PARD3B: variants seen among roughly 807,000 people sequenced by gnomAD.
The protein encoded by PARD3B is par-3 family cell polarity regulator beta, also known as partitioning defective 3 homolog B.
A neutral mutation model predicts 130.2 loss-of-function variants in PARD3B; 103 were observed. The ratio of observed to expected loss-of-function variants is 0.79; its 90% CI spans 0.67 to 0.93. PARD3B has a LOEUF of 0.93. Among genes scored for constraint, PARD3B ranks in the 40% least tolerant of loss-of-function variants. The pLI, the probability that PARD3B is intolerant of heterozygous loss-of-function variation, is 0.00. For synonymous variants in PARD3B, 583 were observed against 553.2 expected (o/e 1.05, Z -0.76); for missense variants, 1,609 against 1,499.2 (o/e 1.07, Z -1.21).
chr2:204,648,556 A>T (rs1457658915), intron 1 of PARD3B, among the ~76,000 whole-genome samples: 1 of 134,310 alleles, frequency 7.4e-6, no homozygotes, highest in East Asian at 2.0e-4. Context: ...AAGCTTTAAA[A>T]TATATAAATA....
chr2:205,038,464 A>G (rs1261883380), intron 3 of PARD3B, among the ~76,000 whole-genome samples: 3 of 152,136 alleles, frequency 2.0e-5, no homozygotes, highest in Non-Finnish European at 4.4e-5. Flanking sequence ...GCATGAGCAA[A>G]TTTATATTGT....
intron 22 of PARD3B, among the ~76,000 whole-genome samples, chr2:205,607,731 C>T (rs1349194537): frequency 6.6e-6 from 1 of 152,058 alleles, no homozygotes; most frequent in Non-Finnish European, 1.5e-5. Context: ...CCTGCACTTA[C>T]ATTTCTGCTT....
Position 205,584,055 on chromosome 2 carries a change from G to A in PARD3B, c.3260+30652G>A, listed in dbSNP as rs143820598. 2.0e-4 allele frequency among the ~76,000 whole-genome samples: 31 copies of A among 152,240 alleles called. No homozygotes were observed. The highest frequency in any genetic ancestry group is 6.7e-4 in the African/African-American group (28 of 41,548). On this transcript the variant is annotated intron_variant, in intron 22 of 22. Transcript: ENST00000406610. This position sits in a 1 kb window ranked among gnomAD's most constrained non-coding sequence, Gnocchi z 5.5. ...ATTTTATCTTGGAAACTTGATTTTC[G>A]AAGTATTTAGGAAAATGCTTCAAAG...
At position 205,300,555 on chromosome 2, in the gene PARD3B, A is replaced by G. The variant is rs1437372791; in HGVS notation, c.2211A>G (p.Pro737=). The change falls in exon 17 of 23, where the codon CCA becomes CCG. Residue 737 remains proline, a synonymous_variant. Coordinates refer to ENST00000406610, the MANE Select transcript of PARD3B (RefSeq NM_001302769.2). The surrounding 1 kb of genome is among the most constrained non-coding windows in gnomAD (Gnocchi z 4.1). The part of the protein sequence containing the change: ...KSESPSKDFG[P]TLGLKKSSSL... ...AATCTCCAAGCAAAGATTTTGGTCC[A>G]ACTCTGGGTTTGAAAAAGTCCAGCT... is the stretch of plus-strand genomic sequence containing the variant. 6.2e-7 allele frequency: 1 copy of G among 1,613,742 alleles called. No individual in the cohort carries two copies. The highest frequency in any genetic ancestry group is 8.5e-7 in the Non-Finnish European group (1 of 1,179,942).
chr2:204,808,545 C>T (rs1387157711), intron 2 of PARD3B, among the ~76,000 whole-genome samples: 1 of 152,100 alleles, frequency 6.6e-6, no homozygotes, highest in Non-Finnish European at 1.5e-5. Flanking sequence ...CATGTGAGCT[C>T]ATCATTTAGC....
intron 18 of PARD3B, among the ~76,000 whole-genome samples, chr2:205,361,118 T>C (rs2044372756): frequency 6.6e-6 from 1 of 152,102 alleles, no homozygotes; most frequent in African/African-American, 2.4e-5. Flanking sequence ...AAAAAAAAAC[T>C]TGGAGGAGAC....
At chr2:205,524,061 A>G (rs979620449) in intron 21 of PARD3B, among the ~76,000 whole-genome samples, 2 of 152,076 alleles carry the variant, frequency 1.3e-5, no homozygotes, top group African/African-American at 2.4e-5. Context: ...TGAAGGAGAA[A>G]TCTGAGGCTT....
intron 4 of PARD3B, among the ~76,000 whole-genome samples, chr2:205,061,537 A>G (rs757192317): frequency 3.3e-5 from 5 of 152,170 alleles, no homozygotes; most frequent in Non-Finnish European, 5.9e-5. Flanking sequence ...CATGGTAAGC[A>G]CTATGTGTGT....
At chr2:205,279,876 T>C (rs2041122086) in intron 16 of PARD3B, among the ~76,000 whole-genome samples, 1 of 152,210 alleles carries the variant, frequency 6.6e-6, no homozygotes, top group Admixed American at 6.5e-5. Flanking sequence ...GCTGGGTTTC[T>C]GAAATCCAAG....
At chr2:204,845,533 A>G (rs200199970) in intron 2 of PARD3B, among the ~76,000 whole-genome samples, 1 of 152,122 alleles carries the variant, frequency 6.6e-6, no homozygotes, top group East Asian at 1.9e-4. Context: ...CCTTTTAAAA[A>G]TCTTGGTTGT....
intron 3 of PARD3B, among the ~76,000 whole-genome samples, chr2:205,001,830 C>T (rs760775352): frequency 4.6e-5 from 7 of 152,176 alleles, no homozygotes; most frequent in Admixed American, 1.3e-4. Context: ...CTTATGACAA[C>T]AGTAGAGAGC....
chr2:204,631,622 A>G (rs2034684216), intron 1 of PARD3B, among the ~76,000 whole-genome samples: 1 of 152,120 alleles, frequency 6.6e-6, no homozygotes, highest in Non-Finnish European at 1.5e-5. Flanking sequence ...ATTTAAGGTT[A>G]GTATTGTTAT....
At chr2:205,569,474 A>G (rs2053483792) in intron 22 of PARD3B, among the ~76,000 whole-genome samples, 1 of 152,172 alleles carries the variant, frequency 6.6e-6, no homozygotes, top group Non-Finnish European at 1.5e-5. Flanking sequence ...GCACTTCTAC[A>G]GCAGGAATGC....
intron 11 of PARD3B, among the ~76,000 whole-genome samples, chr2:205,170,362 T>C (rs2035086242): frequency 6.6e-6 from 1 of 152,084 alleles, no homozygotes. Flanking sequence ...CAAATTAGGG[T>C]AAAGGTTAAG....
intron 2 of PARD3B, among the ~76,000 whole-genome samples, chr2:204,876,124 C>T (rs1187312768): frequency 6.6e-6 from 1 of 152,146 alleles, no homozygotes; most frequent in African/African-American, 2.4e-5. Flanking sequence ...TGTATCCATC[C>T]TTGTAACAGT....
chr2:205,175,519 A>G (rs1394832250), intron 12 of PARD3B, among the ~76,000 whole-genome samples: 2 of 152,244 alleles, frequency 1.3e-5, no homozygotes, highest in Non-Finnish European at 2.9e-5. Flanking sequence ...AGAGGAAAAT[A>G]TAAATCCAAT....
At chr2:204,935,566 A>G (rs1688387848) in intron 2 of PARD3B, among the ~76,000 whole-genome samples, 1 of 151,102 alleles carries the variant, frequency 6.6e-6, no homozygotes, top group Non-Finnish European at 1.5e-5. Flanking sequence ...AATGTAAAAT[A>G]TATATATATT....
intron 3 of PARD3B, among the ~76,000 whole-genome samples, chr2:204,998,380 ATGTGTGTGTATATATGTATATATGTG>A (rs1694481135): frequency 6.9e-5 from 6 of 86,878 alleles, no homozygotes; most frequent in Admixed American, 4.1e-4. Context: ...GTGTGTATAT[ATGTGTGTGTATATATGTATATATGTG>A]TATATATATG....
chr2:205,343,448 G>A (rs139766534), intron 18 of PARD3B, among the ~76,000 whole-genome samples: 1 of 152,178 alleles, frequency 6.6e-6, no homozygotes, highest in Non-Finnish European at 1.5e-5. Context: ...CTTCAGACAT[G>A]CTTTGCTATC....
Sources: gnomAD v4.1 joint callset for allele counts (sites outside exome capture counted in the v4.1 genomes callset) on GRCh38, gnomAD v4.1.1 for gene constraint, Gnocchi (gnomAD v3.1) non-coding constraint, MANE v1.5 for transcripts, NCBI Gene and HGNC (gene_info 2026-07-23, HGNC 2026-07-21) for gene names.